The following ADCY1 variants were observed in gnomAD, a reference collection of about 807,000 sequenced individuals.
ADCY1 encodes the protein adenylate cyclase 1, also known as adenylate cyclase type 1.
In ADCY1, 28 loss-of-function variants were observed where a neutral mutation model predicts 105.4. The ratio of observed to expected loss-of-function variants is 0.27; its 90% CI spans 0.20 to 0.36. The LOEUF is 0.36. Among genes scored for constraint, ADCY1 ranks in the 10% least tolerant of loss-of-function variants. ADCY1 has a pLI of 1.00. For missense variants in ADCY1, 977 were observed against 1,434.2 expected (o/e 0.68, Z 5.15); for synonymous variants, 655 against 623.8 (o/e 1.05, Z -0.75).
chr7:45,620,708 A>G (rs1271925156), intron 3 of ADCY1, among the ~76,000 whole-genome samples: 2 of 152,354 alleles, frequency 1.3e-5, no homozygotes, highest in East Asian at 1.9e-4. Flanking sequence ...GTTATCATCT[A>G]CAAGGGATCT....
intron 3 of ADCY1, among the ~76,000 whole-genome samples, chr7:45,617,070 G>A (rs1012147189): frequency 3.9e-5 from 6 of 152,226 alleles, no homozygotes; most frequent in Admixed American, 2.0e-4. Flanking sequence ...GTCCCACACC[G>A]ATTCTGCAAC....
intron 4 of ADCY1, among the ~76,000 whole-genome samples, chr7:45,641,182 T>A (rs1241824351): frequency 6.6e-6 from 1 of 152,130 alleles, no homozygotes; most frequent in Non-Finnish European, 1.5e-5. Context: ...CAGCCTTTGC[T>A]CTCCTTGTGG....
chr7:45,677,843 C>T (rs759731843), intron 8 of ADCY1, 26 bp from the exon 9 acceptor site: 2 of 1,601,320 alleles, frequency 1.2e-6, no homozygotes, highest in Non-Finnish European at 1.7e-6. Flanking sequence ...TTTGATGATA[C>T]TCCTTTATTT....
At chr7:45,677,778 G>C in intron 8 of ADCY1, 91 bp from the exon 9 acceptor site, 8 of 1,371,606 alleles carry the variant, frequency 5.8e-6, no homozygotes, top group Non-Finnish European at 8.0e-6. Flanking sequence ...ACCCCACCCT[G>C]CAGCGGATCT....
At chr7:45,650,124 ACAT>A (rs1311922905) in intron 5 of ADCY1, among the ~76,000 whole-genome samples, 1 of 152,218 alleles carries the variant, frequency 6.6e-6, no homozygotes, top group Non-Finnish European at 1.5e-5. Context: ...ATCTCAGATG[ACAT>A]CATACATCAC....
intron 14 of ADCY1, among the ~76,000 whole-genome samples, chr7:45,699,606 G>A (rs1397768924): frequency 6.6e-6 from 1 of 152,112 alleles, no homozygotes; most frequent in African/African-American, 2.4e-5. Context: ...CCTCTGCTGG[G>A]GGACGGGAGG....
At chr7:45,585,217 A>G (rs1792680653) in intron 1 of ADCY1, among the ~76,000 whole-genome samples, 1 of 152,220 alleles carries the variant, frequency 6.6e-6, no homozygotes, top group Non-Finnish European at 1.5e-5. Flanking sequence ...GTTTTCTGTG[A>G]CAGCTGTTTT....
intron 3 of ADCY1, among the ~76,000 whole-genome samples, chr7:45,614,594 A>T (rs926785259): frequency 4.6e-5 from 7 of 152,208 alleles, no homozygotes; most frequent in African/African-American, 1.4e-4. Flanking sequence ...AACACATAGC[A>T]TGGCTGAGTG....
rs764731710 is a variant in ADCY1 at position 45,679,805 on chromosome 7, G to T, written c.1983+12G>T. 2 of 1,613,990 alleles carry T rather than the reference G, an allele frequency of 1.2e-6. No homozygotes were observed. Among genetic ancestry groups the T allele is most frequent in the Admixed American group, 1.7e-5 (1 of 60,008 alleles). ...TCACCCGGGTCCAGGTATGTGGGTG[G>T]CCTGTGTCCTGTACCTGCATATCAC... is the stretch of plus-strand genomic sequence containing the variant. On this transcript the variant is annotated intron_variant, in intron 11 of 19. Coordinates refer to ENST00000297323, the MANE Select transcript of ADCY1 (RefSeq NM_021116.4).
intron 1 of ADCY1, among the ~76,000 whole-genome samples, chr7:45,578,641 G>A (rs1792422629): frequency 6.6e-6 from 1 of 152,182 alleles, no homozygotes; most frequent in African/African-American, 2.4e-5. Context: ...GCCTCAGAGG[G>A]AGCAGCTTGG....
At chr7:45,641,516 C>G (rs896657940) in intron 4 of ADCY1, among the ~76,000 whole-genome samples, 1 of 152,180 alleles carries the variant, frequency 6.6e-6, no homozygotes, top group Admixed American at 6.5e-5. Context: ...TTAACTCTAT[C>G]ATCTGAGAAC....
intron 4 of ADCY1, among the ~76,000 whole-genome samples, chr7:45,633,428 T>C (rs943191304): frequency 3.3e-5 from 5 of 152,256 alleles, no homozygotes; most frequent in Admixed American, 3.3e-4. Flanking sequence ...TTGAAAACAT[T>C]AAGAAAAGTT....
chr7:45,640,213 G>A (rs1004771691), intron 4 of ADCY1, among the ~76,000 whole-genome samples: 2 of 152,146 alleles, frequency 1.3e-5, no homozygotes, highest in Non-Finnish European at 2.9e-5. Context: ...TATCTACATG[G>A]AGGGAGAAAT....
intron 4 of ADCY1, among the ~76,000 whole-genome samples, chr7:45,634,982 G>T (rs969706463): frequency 1.3e-5 from 2 of 152,056 alleles, no homozygotes; most frequent in Non-Finnish European, 2.9e-5. Flanking sequence ...ATTTCCTTTT[G>T]TTGAATTTTT....
At chr7:45,623,283 A>G (rs1793951592) in intron 4 of ADCY1, among the ~76,000 whole-genome samples, 1 of 152,248 alleles carries the variant, frequency 6.6e-6, no homozygotes, top group African/African-American at 2.4e-5. Context: ...GACCAGTCAC[A>G]TCTGGCAGCC....
chr7:45,622,936 A>G (rs1332730710), intron 4 of ADCY1, among the ~76,000 whole-genome samples, 193 bp downstream of exon 4: 1 of 152,172 alleles, frequency 6.6e-6, no homozygotes, highest in South Asian at 2.1e-4. Context: ...GGAGCCTTGC[A>G]TTTACCAGAT....
At chr7:45,655,061 CT>C (rs34295331) in intron 5 of ADCY1, among the ~76,000 whole-genome samples, 1 of 152,168 alleles carries the variant, frequency 6.6e-6, no homozygotes, top group Non-Finnish European at 1.5e-5. Context: ...CCTCTCTTCT[CT>C]TTTTTTCCCC....
intron 5 of ADCY1, among the ~76,000 whole-genome samples, chr7:45,652,072 G>T (rs1286914799): frequency 2.6e-5 from 4 of 152,206 alleles, no homozygotes; most frequent in Non-Finnish European, 5.9e-5. Flanking sequence ...AAGGCAAAGG[G>T]GAGGCAAGCA....
intron 14 of ADCY1, among the ~76,000 whole-genome samples, chr7:45,696,190 G>C (rs963783802): frequency 3.3e-5 from 5 of 149,546 alleles, no homozygotes; most frequent in African/African-American, 1.2e-4. Flanking sequence ...TGTAATCCCA[G>C]CACTTTGGGA....
Sources: allele counts gnomAD v4.1 joint callset (sites outside exome capture counted in the v4.1 genomes callset), GRCh38; gene constraint gnomAD v4.1.1; transcripts MANE v1.5; gene names NCBI Gene and HGNC (gene_info 2026-07-23, HGNC 2026-07-21).